NOL10: variants seen among roughly 807,000 people sequenced by gnomAD.
NOL10 encodes the protein nucleolar protein 10, also known as H_NH0074G24.1.
Under a neutral mutation model 103.5 loss-of-function variants are expected in NOL10, and 58 were observed. The ratio of observed to expected loss-of-function variants is 0.56; its 90% CI spans 0.45 to 0.70. NOL10 has a LOEUF of 0.70. NOL10 is among the 30% of genes least tolerant of loss of function. The pLI is 0.00. For missense variants in NOL10, 763 were observed against 807.3 expected (o/e 0.95, Z 0.67); for synonymous variants, 287 against 282.5 (o/e 1.02, Z -0.16).
Position 10,603,061 on chromosome 2 carries a change from T to C in NOL10, c.1233+17A>G. On this transcript the variant is annotated intron_variant, in intron 15 of 20. Coordinates refer to ENST00000381685, the MANE Select transcript of NOL10 (RefSeq NM_024894.4). Reference sequence around the variant, plus strand: ...CATTAGTTACCTGAAACATAATAACTGTAGTTTTCTGTTTACCTTGTGATA... The same window carrying C: ...CATTAGTTACCTGAAACATAATAACCGTAGTTTTCTGTTTACCTTGTGATA... 2 of 1,576,710 alleles carry C rather than the reference T, an allele frequency of 1.3e-6. No homozygotes were observed. The highest frequency in any genetic ancestry group is 1.1e-5 in the South Asian group (1 of 88,002).
chr2:10,603,297 T>C (rs1256615640), intron 14 of NOL10, 140 bp from the exon 15 acceptor site: 1 of 640,214 alleles, frequency 1.6e-6, no homozygotes, highest in Non-Finnish European at 2.8e-6. Context: ...CTAATCTTCT[T>C]TGATATCTAT....
intron 13 of NOL10, among the ~76,000 whole-genome samples, chr2:10,612,369 T>G (rs1325105908): frequency 6.6e-6 from 1 of 152,194 alleles, no homozygotes; most frequent in Non-Finnish European, 1.5e-5. Flanking sequence ...ATGCCATCAT[T>G]TTTTTCTGCT....
chr2:10,633,817 A>G lies in NOL10; in HGVS notation c.1026+10503T>C, dbSNP rs962796768. Reference sequence around the variant, plus strand: ...TATGTGTGTGTGTGTGTGTGTGTATATATATATATTTATTATTATTATTTT... The same window carrying G: ...TATGTGTGTGTGTGTGTGTGTGTATGTATATATATTTATTATTATTATTTT... On this transcript the variant is annotated intron_variant, in intron 13 of 20. Coordinates refer to ENST00000381685, the MANE Select transcript of NOL10 (RefSeq NM_024894.4). Among the ~76,000 whole-genome samples the G allele has an allele frequency of 2.2e-4, 33 of 151,282 alleles. No homozygotes were observed. The East Asian group carries it at 2.5e-3, about 12-fold the overall frequency.
In NOL10 at chr2:10,673,502, C is replaced by T. The variant is rs1166525752; in HGVS notation, c.327+18G>A. The T allele has an allele frequency of 6.4e-7, 1 of 1,569,486 alleles. No homozygotes were observed. The highest frequency in any genetic ancestry group is 1.8e-5 in the Admixed American group (1 of 54,842). On this transcript the variant is annotated intron_variant, in intron 5 of 20. Coordinates refer to ENST00000381685, the MANE Select transcript of NOL10 (RefSeq NM_024894.4). ...TTTCTTGGGTCTAGTCAGTACAAAC[C>T]AATGCTATAAAACATACCTTTGAGT... is the stretch of plus-strand genomic sequence containing the variant.
At chr2:10,669,318 G>A (rs1463302283) in intron 6 of NOL10, among the ~76,000 whole-genome samples, 2 of 151,162 alleles carry the variant, frequency 1.3e-5, no homozygotes, top group Non-Finnish European at 2.9e-5. Flanking sequence ...TTGAACTCCT[G>A]ACCTCAGGTG....
chr2:10,576,684 A>G (rs751412707), intron 20 of NOL10, among the ~76,000 whole-genome samples: 1 of 152,232 alleles, frequency 6.6e-6, no homozygotes, highest in Non-Finnish European at 1.5e-5. Flanking sequence ...GACAGGAAGT[A>G]GATTAGTGGT....
At chr2:10,646,000 G>C (rs1327617435) in intron 12 of NOL10, among the ~76,000 whole-genome samples, 1 of 151,414 alleles carries the variant, frequency 6.6e-6, no homozygotes, top group African/African-American at 2.4e-5. Context: ...ACCTAATGAA[G>C]TCTAAAAAAG....
At chr2:10,677,377 G>A (rs1260594806) in intron 3 of NOL10, among the ~76,000 whole-genome samples, 2 of 151,540 alleles carry the variant, frequency 1.3e-5, no homozygotes, top group Non-Finnish European at 2.9e-5. Flanking sequence ...ATAAAAGAAT[G>A]AGGTAGTCCT....
intron 13 of NOL10, among the ~76,000 whole-genome samples, chr2:10,631,737 T>TGG (rs1677859900): frequency 6.6e-6 from 1 of 150,650 alleles, no homozygotes; most frequent in Non-Finnish European, 1.5e-5. Context: ...TTTTTTTAGA[T>TGG]GGAGTTTCGC....
chr2:10,576,893 T>C (rs1046754036), intron 20 of NOL10, among the ~76,000 whole-genome samples: 1 of 150,824 alleles, frequency 6.6e-6, no homozygotes, highest in Non-Finnish European at 1.5e-5. Context: ...AAAAGAATAA[T>C]CTCCCTACTA....
chr2:10,661,357 G>A (rs187219533), intron 9 of NOL10, among the ~76,000 whole-genome samples: 313 of 152,176 alleles, frequency 2.1e-3, no homozygotes, highest in Non-Finnish European at 3.8e-3. Flanking sequence ...TTACAGGCAT[G>A]AGCCACCATG....
chr2:10,650,169 AT>A (rs532384777), intron 12 of NOL10, among the ~76,000 whole-genome samples: 17 of 148,780 alleles, frequency 1.1e-4, no homozygotes, highest in South Asian at 4.3e-4. Flanking sequence ...TAGCAAGATA[AT>A]TTTTTTTTTT....
intron 19 of NOL10, among the ~76,000 whole-genome samples, chr2:10,581,998 C>T (rs4284804): frequency 0.59 from 90,009 of 152,030 alleles, 27,664 homozygotes; most frequent in African/African-American, 0.74. Flanking sequence ...TAACCTTCAG[C>T]CCACACTCTT....
chr2:10,606,539 C>T (rs1218957887), intron 14 of NOL10, among the ~76,000 whole-genome samples: 9 of 141,936 alleles, frequency 6.3e-5, no homozygotes, highest in African/African-American at 1.6e-4. Context: ...GCCTAGGAAG[C>T]GGAGGTTGCA....
intron 17 of NOL10, among the ~76,000 whole-genome samples, chr2:10,592,359 C>T (rs529391254): frequency 3.9e-5 from 6 of 152,164 alleles, no homozygotes; most frequent in South Asian, 4.2e-4. Context: ...TAGGAAAAAA[C>T]GCAGGGGTGG....
At chr2:10,585,953 C>T (rs925346648) in intron 19 of NOL10, among the ~76,000 whole-genome samples, 2 of 152,150 alleles carry the variant, frequency 1.3e-5, no homozygotes. Flanking sequence ...CTGACTACAC[C>T]GATAGATGCT....
At position 10,660,009 on chromosome 2, in the gene NOL10, A is replaced by C. The variant is rs564559225; in HGVS notation, c.678-759T>G. Reference sequence around the variant, plus strand: ...ATGCTTCTCACATACCAACCAAGACAATCAGCACCAAAAGCAATGATCTCC... The same window carrying C: ...ATGCTTCTCACATACCAACCAAGACCATCAGCACCAAAAGCAATGATCTCC... On this transcript the variant is annotated intron_variant, in intron 9 of 20. Coordinates refer to ENST00000381685, the MANE Select transcript of NOL10 (RefSeq NM_024894.4). Among the ~76,000 whole-genome samples, 3 of 152,272 alleles carry C rather than the reference A, an allele frequency of 2.0e-5. No individual in the cohort carries two copies. The East Asian group carries it at 5.8e-4, about 29-fold the overall frequency.
intron 20 of NOL10, 59 bp downstream of exon 20, chr2:10,577,577 A>G: frequency 8.3e-7 from 1 of 1,206,726 alleles, no homozygotes; most frequent in Non-Finnish European, 1.2e-6. Flanking sequence ...ACACACAAAC[A>G]CTATTGAAAG....
intron 4 of NOL10, 87 bp downstream of exon 4, chr2:10,675,707 A>G (rs9287721): frequency 0.3 from 223,546 of 749,080 alleles, 35,008 homozygotes; most frequent in Non-Finnish European, 0.33. Flanking sequence ...ATAAAAAACT[A>G]ATTACAAACC....
Sources: gnomAD v4.1 joint callset for allele counts (sites outside exome capture counted in the v4.1 genomes callset) on GRCh38, gnomAD v4.1.1 for gene constraint, MANE v1.5 for transcripts, NCBI Gene and HGNC (gene_info 2026-07-23, HGNC 2026-07-21) for gene names.